Variants in ELAC2 observed in about 807,000 individuals in gnomAD.
ELAC2 encodes zinc phosphodiesterase ELAC protein 2.
Under a neutral mutation model 105.2 loss-of-function variants are expected in ELAC2, and 92 were observed. The observed-to-expected ratio is 0.87, with a 90% CI of 0.74 to 1.04. The LOEUF is 1.04. Ranked by LOEUF, ELAC2 falls within the 50% of genes least tolerant of loss-of-function variation. ELAC2 has a pLI of 0.00. For missense variants in ELAC2, 1,099 were observed against 1,071.7 expected, an observed-to-expected ratio of 1.03 and a Z score of -0.36; for synonymous variants, 468 against 409.1, an observed-to-expected ratio of 1.14 and a Z score of -1.74.
chr17:12,999,046 C>T (rs997970784), intron 15 of ELAC2, among the ~76,000 whole-genome samples: 8 of 152,128 alleles, frequency 5.3e-5, no homozygotes, highest in Non-Finnish European at 1.0e-4. Flanking sequence ...TAGTTCTATC[C>T]AGCTTCCCAG....
In ELAC2 at chr17:13,006,423, G is replaced by A. The variant is rs1304926704; in HGVS notation, c.739-444C>T. 2.7e-5 allele frequency: 6 copies of A among 222,464 alleles called. No homozygotes were observed. The Admixed American group carries it at 3.1e-4, about 12-fold the overall frequency. The allele number at this position is 222,464 out of a possible 1,614,324, so 13.8% of individuals were successfully genotyped here. A position where few individuals can be genotyped will look rare whatever the true frequency, so the allele number is the denominator to read the frequency against. ...TTGTTTCCTTACAATTCATTAAAATGCGTTTATTGCTTTCAGAAGGTATAC... is the reference window on the plus strand; with the variant it reads ...TTGTTTCCTTACAATTCATTAAAATACGTTTATTGCTTTCAGAAGGTATAC... On this transcript the variant is annotated intron_variant, in intron 8 of 23. Transcript: ENST00000338034.
intron 11 of ELAC2, 72 bp from the exon 12 acceptor site, chr17:13,003,646 G>C (rs2040948774): frequency 1.4e-6 from 2 of 1,404,886 alleles, no homozygotes; most frequent in Non-Finnish European, 2.0e-6. Flanking sequence ...CACGCAGCCA[G>C]GGAGGGGTAT....
chr17:13,001,422 G>C, intron 14 of ELAC2, among the ~76,000 whole-genome samples: 1 of 152,276 alleles, frequency 6.6e-6, no homozygotes, highest in East Asian at 1.9e-4. Flanking sequence ...AACCCGGGAG[G>C]CGGAGGTTGC....
chr17:12,994,941 T>C, intron 20 of ELAC2, 22 bp downstream of exon 20: 1 of 1,614,148 alleles, frequency 6.2e-7, no homozygotes, highest in African/African-American at 1.3e-5. Flanking sequence ...GCCCCCATGA[T>C]GCCTGCGGCT....
chr17:13,005,943 C>T lies in ELAC2; in HGVS notation c.775G>A (p.Ala259Thr). The T allele has an allele frequency of 1.9e-6, 3 of 1,614,146 alleles. No homozygotes were observed. The highest frequency in any genetic ancestry group is 1.3e-5 in the African/African-American group (1 of 75,012). The change falls in exon 9 of 24, where the codon GCA (alanine) becomes ACA (threonine). Residue 259 changes from alanine to threonine, a missense_variant. Ala to Thr is a moderately conservative substitution (Grantham distance 58). Transcript: ENST00000338034. The part of the protein sequence containing the change: ...LKRGNFLVLK[A>T]KEMGLPVGTA... Reference sequence around the variant, plus strand: ...CACACTGGGAGGCCCATCTCCTTTGCTTTGAGCACCAAGAAGTTTCCTCTC... The same window carrying T: ...CACACTGGGAGGCCCATCTCCTTTGTTTTGAGCACCAAGAAGTTTCCTCTC...
rs1355862089 is a variant in ELAC2, at chr17:12,994,799, C to T, written c.1994G>A (p.Gly665Glu). Residue 665 changes from glycine to glutamate, a missense_variant, in exon 21 of 24, where the codon GGG becomes GAG. Coordinates refer to ENST00000338034, the MANE Select transcript of ELAC2 (RefSeq NM_018127.7). ...HTSGWKVVYSGDTMPCEALVR... is the reference protein window; with the variant it reads ...HTSGWKVVYSEDTMPCEALVR... ...CAGAGCCTCGCAGGGCATGGTGTCC[C>T]CGGAATAGACCACTTTCCAGCCAGA... The T allele has an allele frequency of 2.5e-6, 4 of 1,613,902 alleles. No individual in the cohort carries two copies. Among genetic ancestry groups the T allele is most frequent in the Non-Finnish European group, 2.5e-6 (3 of 1,180,056 alleles).
intron 5 of ELAC2, among the ~76,000 whole-genome samples, chr17:13,013,615 A>G (rs556363733): frequency 6.6e-6 from 1 of 152,204 alleles, no homozygotes; most frequent in Non-Finnish European, 1.5e-5. Flanking sequence ...CGCAAACCAG[A>G]AGAGCTGATG....
At chr17:13,017,638 C>T (rs2041819741) in intron 1 of ELAC2, 65 bp downstream of exon 1, 3 of 1,610,290 alleles carry the variant, frequency 1.9e-6, no homozygotes, top group African/African-American at 1.3e-5. Flanking sequence ...TGGGAGGTGC[C>T]CCGATGCTCA....
chr17:13,015,711 T>C, intron 4 of ELAC2, 57 bp downstream of exon 4: 2 of 1,470,406 alleles, frequency 1.4e-6, no homozygotes, highest in Admixed American at 1.7e-5. Flanking sequence ...AAAATTCTTG[T>C]TACTGATATT....
At position 12,993,689 on chromosome 17, in the gene ELAC2, T is replaced by G; in HGVS notation, c.2251A>C (p.Lys751Gln). The G allele has an allele frequency of 6.2e-7, 1 of 1,614,124 alleles. No homozygotes were observed. The highest frequency in any genetic ancestry group is 8.5e-7 in the Non-Finnish European group (1 of 1,180,024). Residue 751 changes from lysine (K) to glutamine (Q), a missense_variant and splice_region_variant, in exon 23 of 24, where the codon AAG becomes CAG. Transcript: ENST00000338034. ...EKVGVAFDHM[K>Q]VCFGDFPTMP... ...TGCTGTCCGTGTGACATACAGACCT[T>G]CATGTGGTCAAAGGCAACTCCCACT...
rs1337789058 is a variant in ELAC2, at chr17:13,017,906, G to A, written c.42C>T (p.Arg14=). The change falls in exon 1 of 24, where the codon CGC becomes CGT. Residue 14 remains arginine, a synonymous_variant. Coordinates refer to ENST00000338034, the MANE Select transcript of ELAC2 (RefSeq NM_018127.7). ...LCSLLRSAAG[R]TMSQGRTISQ... ...ATATGGTGCGTCCCTGCGACATGGT[G>A]CGTCCGGCCGCGGACCGCAGCAGCG... 3 of 1,540,958 alleles carry A rather than the reference G, an allele frequency of 1.9e-6. No homozygotes were observed. Among genetic ancestry groups the A allele is most frequent in the Non-Finnish European group, 2.6e-6 (3 of 1,146,672 alleles).
chr17:13,003,043 T>C (rs1392659763), intron 12 of ELAC2, among the ~76,000 whole-genome samples: 1 of 152,142 alleles, frequency 6.6e-6, no homozygotes, highest in East Asian at 1.9e-4. Context: ...TTCCAGTGAC[T>C]AAACATCTAC....
intron 15 of ELAC2, 138 bp from the exon 16 acceptor site, chr17:12,998,646 C>T (rs886987345): frequency 4.6e-5 from 39 of 843,540 alleles, no homozygotes; most frequent in Non-Finnish European, 6.4e-5. Context: ...CCTAGTATGG[C>T]GGTTTTGGGA....
In ELAC2 at chr17:12,995,811, G is replaced by A; in HGVS notation, c.1700C>T (p.Ala567Val). ...SILLQRERALASLGKPLHPLL... is the reference protein window; with the variant it reads ...SILLQRERALVSLGKPLHPLL... ...AGGGTGAAGCGGCTTTCCCAAAGAT[G>A]CCTGGAACAAAAAATGCAAGTGCCG... Residue 567 changes from alanine (A) to valine (V), a missense_variant and splice_region_variant, in exon 19 of 24, where the codon GCA becomes GTA. Ala to Val is a moderately conservative substitution (Grantham distance 64). Transcript: ENST00000338034. 2 of 1,609,208 alleles carry A rather than the reference G, an allele frequency of 1.2e-6. No individual in the cohort carries two copies. Among genetic ancestry groups the A allele is most frequent in the South Asian group, 1.1e-5 (1 of 89,984 alleles).
rs757735135 is a variant in ELAC2, at chr17:13,011,665, T to C, written c.677A>G (p.His226Arg). 7.4e-6 allele frequency: 12 copies of C among 1,614,086 alleles called. No individual in the cohort carries two copies. Among genetic ancestry groups the C allele is most frequent in the African/African-American group, 2.7e-5 (2 of 74,928 alleles). Residue 226 changes from histidine (H) to arginine (R), a missense_variant and splice_region_variant, in exon 7 of 24, where the codon CAT becomes CGT. Physicochemically the swap from His to Arg is conservative, Grantham distance 29 (BLOSUM62 0). Transcript: ENST00000338034. ...CTCTGTTTTGTTTATACTATTACCA[T>C]GTGGAAGGTGTGGCTCATTTTCATT... Reference protein sequence around the residue: ...ESNENEPHLPHGVSQRRGVRD... With the variant: ...ESNENEPHLPRGVSQRRGVRD...
chr17:12,994,055 T>C (rs2040341624), intron 22 of ELAC2, among the ~76,000 whole-genome samples: 1 of 152,154 alleles, frequency 6.6e-6, no homozygotes, highest in East Asian at 1.9e-4. Flanking sequence ...AATCTGTCCA[T>C]GAGGGCACCC....
rs767744329 is a variant in ELAC2, at chr17:13,001,424, G to A, written c.1304+850C>T. ...GGAGAAATGCTTGAACCCGGGAGGCGGAGGTTGCAGTGAGCTGAGATCACG... is the reference window on the plus strand; with the variant it reads ...GGAGAAATGCTTGAACCCGGGAGGCAGAGGTTGCAGTGAGCTGAGATCACG... On this transcript the variant is annotated intron_variant, in intron 14 of 23. Transcript: ENST00000338034. 7.9e-5 allele frequency among the ~76,000 whole-genome samples: 12 copies of A among 152,180 alleles called. No individual in the cohort carries two copies. The East Asian group carries it at 1.4e-3, about 17-fold the overall frequency.
chr17:13,001,443 G>A (rs1204327625), intron 14 of ELAC2, among the ~76,000 whole-genome samples: 1 of 152,122 alleles, frequency 6.6e-6, no homozygotes, highest in African/African-American at 2.4e-5. Context: ...AGTGAGCTGA[G>A]ATCACGCCAT....
intron 15 of ELAC2, among the ~76,000 whole-genome samples, chr17:12,999,946 C>G (rs140328209): frequency 1.3e-5 from 2 of 152,178 alleles, no homozygotes; most frequent in Non-Finnish European, 2.9e-5. Flanking sequence ...TGTGAGCCAC[C>G]GCGCCCAGCC....
Sources: gnomAD v4.1 joint callset for allele counts (sites outside exome capture counted in the v4.1 genomes callset) on GRCh38, gnomAD v4.1.1 for gene constraint, MANE v1.5 for transcripts, NCBI Gene and HGNC (gene_info 2026-07-23, HGNC 2026-07-21) for gene names.